EYS: variants seen among roughly 807,000 people sequenced by gnomAD.
EYS encodes the protein EGF-like photoreceptor maintenance factor, also known as protein eyes shut homolog.
Under a neutral mutation model 282.1 loss-of-function variants are expected in EYS, and 250 were observed. That is an observed-to-expected ratio of 0.89 (90% CI 0.80 to 0.98). The LOEUF is 0.98. Ranked by LOEUF, EYS falls within the 50% of genes least tolerant of loss-of-function variation. The pLI is 0.00. For missense variants in EYS, 4,016 were observed against 3,709.0 expected (o/e 1.08, Z -2.15); for synonymous variants, 1,355 against 1,282.9 (o/e 1.06, Z -1.20).
At chr6:64,224,949 CCTT>C (rs929208322) in intron 31 of EYS, among the ~76,000 whole-genome samples, 135 of 152,108 alleles carry the variant, frequency 8.9e-4, no homozygotes, top group African/African-American at 3.0e-3. Flanking sequence ...TTGTTCCTCT[CCTT>C]CTCTTGCACA....
At position 64,058,266 on chromosome 6, in the gene EYS, C is replaced by A. The variant is rs188996919; in HGVS notation, c.6725+8072G>T. Reference sequence around the variant, plus strand: ...ATGTGGAACTGTGAGTCCATTAAACCTCTTAAAAAAAAAAAAATAGAATGG... The same window carrying A: ...ATGTGGAACTGTGAGTCCATTAAACATCTTAAAAAAAAAAAAATAGAATGG... On this transcript the variant is annotated intron_variant, in intron 33 of 42. Coordinates refer to ENST00000503581, the MANE Select transcript of EYS (RefSeq NM_001142800.2). Among the ~76,000 whole-genome samples the A allele has an allele frequency of 1.2e-4, 17 of 139,012 alleles. No homozygotes were observed. In the East Asian group the frequency reaches 3.2e-3, roughly 26 times the overall value. 91.2% of individuals were successfully genotyped at this position (139,012 alleles called of 152,430 possible). A position where few individuals can be genotyped will look rare whatever the true frequency, so the allele number is the denominator to read the frequency against.
At chr6:63,939,130 ATTTT>A (rs59373055) in intron 35 of EYS, among the ~76,000 whole-genome samples, 1 of 143,580 alleles carries the variant, frequency 7.0e-6, no homozygotes, top group African/African-American at 2.5e-5. Context: ...TTGTGAGGGG[ATTTT>A]TTTTTTTTTT....
intron 29 of EYS, among the ~76,000 whole-genome samples, chr6:64,328,456 A>G (rs1438706898): frequency 6.6e-6 from 1 of 152,166 alleles, no homozygotes; most frequent in Non-Finnish European, 1.5e-5. Flanking sequence ...AATATTGGAA[A>G]AGTCTCAGAG....
In EYS at chr6:65,214,158, C is replaced by CAAA. The variant is rs58213904; in HGVS notation, c.2023+81702_2023+81704dup. 5.2e-3 allele frequency among the ~76,000 whole-genome samples: 153 copies of CAAA among 29,266 alleles called. 16 individuals carry two copies. The highest frequency in any genetic ancestry group is 5.7e-3 in the African/African-American group (38 of 6,614). The allele number at this position is 29,266 out of a possible 152,430, so 19.2% of individuals were successfully genotyped here. On this transcript the variant is annotated intron_variant, in intron 12 of 42. Transcript: ENST00000503581. ...TGGGCGACAGAGCAAGACTCCGTCTCAAAAAAAAAAAAAAAAAAAAAAAAA... is the reference window on the plus strand; with the variant it reads ...TGGGCGACAGAGCAAGACTCCGTCTCAAAAAAAAAAAAAAAAAAAAAAAAAAAA...
intron 30 of EYS, among the ~76,000 whole-genome samples, chr6:64,297,242 C>CA (rs992586928): frequency 1.3e-5 from 2 of 150,240 alleles, no homozygotes; most frequent in African/African-American, 4.9e-5. Flanking sequence ...ACTTCCCCCC[C>CA]ATTGTTGTTA....
At chr6:64,688,584 A>C (rs1300693346) in intron 22 of EYS, among the ~76,000 whole-genome samples, 47 of 152,130 alleles carry the variant, frequency 3.1e-4, no homozygotes, top group Admixed American at 3.1e-3. Flanking sequence ...CTGTGGTCTG[A>C]GAGACAGTTT....
intron 26 of EYS, among the ~76,000 whole-genome samples, chr6:64,528,376 G>T (rs1385519574): frequency 6.6e-6 from 1 of 151,392 alleles, no homozygotes; most frequent in Non-Finnish European, 1.5e-5. Context: ...CTCCTTTATG[G>T]CTCTCAATTC....
chr6:65,526,824 T>TA (rs984128685), intron 2 of EYS, among the ~76,000 whole-genome samples: 14 of 152,050 alleles, frequency 9.2e-5, no homozygotes, highest in Middle Eastern at 3.4e-3. Context: ...AAATTAAATT[T>TA]AAAAAAGACT....
chr6:65,369,261 G>A (rs905251847), intron 8 of EYS, among the ~76,000 whole-genome samples: 10 of 142,548 alleles, frequency 7.0e-5, no homozygotes, highest in African/African-American at 2.5e-4. Context: ...AGCAGTGTGT[G>A]TGTGTATATA....
At chr6:63,756,173 G>A (rs1326145742) in intron 41 of EYS, among the ~76,000 whole-genome samples, 1 of 152,158 alleles carries the variant, frequency 6.6e-6, no homozygotes, top group East Asian at 1.9e-4. Flanking sequence ...ATTTTAACAG[G>A]AGTGGTGAGA....
intron 1 of EYS, among the ~76,000 whole-genome samples, chr6:65,649,093 G>A (rs1415460104): frequency 2.1e-5 from 3 of 140,572 alleles, no homozygotes; most frequent in African/African-American, 5.3e-5. Context: ...AGCTGAGATC[G>A]CGCCACTGCA....
At chr6:64,698,029 C>T (rs78421442) in intron 22 of EYS, among the ~76,000 whole-genome samples, 4,335 of 152,070 alleles carry the variant, frequency 0.029, 126 homozygotes, top group East Asian at 0.14. Context: ...GAAATCACTT[C>T]CAAGAGAAAC....
rs190118844 is a variant in EYS at position 64,316,516 on chromosome 6, G to C, written c.6079-9434C>G. Among the ~76,000 whole-genome samples the C allele has an allele frequency of 3.9e-3, 594 of 152,164 alleles. 4 individuals are homozygous for C. Among genetic ancestry groups the C allele is most frequent in the African/African-American group, 0.013 (553 of 41,536 alleles). On this transcript the variant is annotated intron_variant, in intron 29 of 42. Transcript: ENST00000503581. ...GAATACAACTTACAAGGGACGTGAAGGACCTCTTCAAGGTGAACTACCAAA... is the reference window on the plus strand; with the variant it reads ...GAATACAACTTACAAGGGACGTGAACGACCTCTTCAAGGTGAACTACCAAA...
intron 28 of EYS, among the ~76,000 whole-genome samples, chr6:64,435,617 C>A: frequency 6.7e-6 from 1 of 149,734 alleles, no homozygotes; most frequent in African/African-American, 2.5e-5. Flanking sequence ...AAAAGCATTA[C>A]ATCTATATTA....
rs184423437 is a variant in EYS, at chr6:64,405,578, G to A, written c.5928-16738C>T. Among the ~76,000 whole-genome samples the A allele has an allele frequency of 4.1e-4, 63 of 152,128 alleles. 3 individuals carry two copies. Among genetic ancestry groups the A allele is most frequent in the Admixed American group, 3.9e-3 (59 of 15,260 alleles). ...TGACATGATTGTATATTTAGAAAAC[G>A]CCATCATCTCAGCCCAAAATCTCCT... On this transcript the variant is annotated intron_variant, in intron 28 of 42. Coordinates refer to ENST00000503581, the MANE Select transcript of EYS (RefSeq NM_001142800.2).
chr6:63,941,687 G>A (rs1294880817), intron 35 of EYS, among the ~76,000 whole-genome samples: 1 of 152,112 alleles, frequency 6.6e-6, no homozygotes, highest in African/African-American at 2.4e-5. Flanking sequence ...AGGATTTCAG[G>A]CAGAAAGGGA....
chr6:64,558,706 T>A (rs562516976), intron 26 of EYS, among the ~76,000 whole-genome samples: 6 of 152,282 alleles, frequency 3.9e-5, no homozygotes, highest in African/African-American at 1.4e-4. Context: ...ATAAACAGTA[T>A]ACACTCACAA....
chr6:64,839,179 T>C (rs1765485274), intron 19 of EYS, among the ~76,000 whole-genome samples: 1 of 152,062 alleles, frequency 6.6e-6, no homozygotes, highest in South Asian at 2.1e-4. Context: ...ACTGAATTAA[T>C]TTTTGCTTGA....
At chr6:64,827,434 T>C (rs184653312) in intron 19 of EYS, among the ~76,000 whole-genome samples, 5 of 151,988 alleles carry the variant, frequency 3.3e-5, no homozygotes, top group African/African-American at 1.2e-4. Context: ...ATCATACCTA[T>C]TTACTTTTAC....
Sources: gnomAD v4.1 joint callset for allele counts (sites outside exome capture counted in the v4.1 genomes callset) on GRCh38, gnomAD v4.1.1 for gene constraint, MANE v1.5 for transcripts, NCBI Gene and HGNC (gene_info 2026-07-23, HGNC 2026-07-21) for gene names.